Variants in PDE8A observed in about 807,000 individuals in gnomAD.
The protein encoded by PDE8A is high affinity cAMP-specific and IBMX-insensitive 3',5'-cyclic phosphodiesterase 8A.
PDE8A carries 59 observed loss-of-function variants against 105.0 expected under a neutral mutation model. The ratio of observed to expected loss-of-function variants is 0.56; its 90% CI spans 0.46 to 0.70. The LOEUF (loss-of-function observed/expected upper bound fraction) is 0.70, where lower values mean the gene tolerates loss of function less well. Among genes scored for constraint, PDE8A ranks in the 30% least tolerant of loss-of-function variants. The probability of loss-of-function intolerance (pLI) is 0.00; values close to 1 mark genes in which losing one functional copy is unlikely to be tolerated. For missense variants in PDE8A, 1,014 were observed against 1,045.9 expected (o/e 0.97, Z 0.42); for synonymous variants, 355 against 371.9 (o/e 0.95, Z 0.52).
chr15:85,128,674 A>G (rs1489063934), intron 20 of PDE8A, among the ~76,000 whole-genome samples: 1 of 152,262 alleles, frequency 6.6e-6, no homozygotes, highest in Non-Finnish European at 1.5e-5. Flanking sequence ...ATAAAGAACT[A>G]TAACTCAGTA....
intron 1 of PDE8A, among the ~76,000 whole-genome samples, chr15:85,011,298 T>A (rs988360147): frequency 6.6e-6 from 1 of 152,140 alleles, no homozygotes; most frequent in African/African-American, 2.4e-5. Context: ...GCTGGATGAT[T>A]TTTGTAGGGT....
Position 84,982,347 on chromosome 15 carries a change from A to G in PDE8A, c.185A>G (p.Lys62Arg). The G allele has an allele frequency of 3.0e-6, 4 of 1,324,606 alleles. No individual in the cohort carries two copies. Among genetic ancestry groups the G allele is most frequent in the Non-Finnish European group, 3.8e-6 (4 of 1,040,168 alleles). 82.1% of individuals were successfully genotyped at this position (1,324,606 alleles called of 1,614,324 possible). Residue 62 changes from lysine (K) to arginine (R), a missense_variant and splice_region_variant, in exon 1 of 22, where the codon AAG (lysine) becomes AGG (arginine). Coordinates refer to ENST00000394553, the MANE Select transcript of PDE8A (RefSeq NM_002605.3). ...GAGCTTCGCGACGGCAGCGGCAAGA[A>G]GGTAAGGGGCGCCGGGCACTCTGGG... The part of the protein sequence containing the change: ...ESELRDGSGK[K>R]VAVADVQFGP...
At chr15:85,066,831 G>A (rs893118488) in intron 2 of PDE8A, among the ~76,000 whole-genome samples, 183 bp from the exon 3 acceptor site, 6 of 151,808 alleles carry the variant, frequency 4.0e-5, no homozygotes, top group Admixed American at 3.3e-4. Flanking sequence ...CCAACTACTC[G>A]GCAGGGCTGA....
chr15:85,089,112 C>T (rs1383063799), intron 6 of PDE8A, among the ~76,000 whole-genome samples: 3 of 151,990 alleles, frequency 2.0e-5, no homozygotes, highest in Non-Finnish European at 4.4e-5. Flanking sequence ...GCTCACTGGC[C>T]CAATGTGTCT....
At chr15:85,072,045 G>A (rs893295048) in intron 3 of PDE8A, among the ~76,000 whole-genome samples, 8 of 152,218 alleles carry the variant, frequency 5.3e-5, no homozygotes, top group Admixed American at 1.3e-4. Flanking sequence ...AACCCAAAAC[G>A]CATTAACAGA....
intron 1 of PDE8A, among the ~76,000 whole-genome samples, chr15:85,005,056 A>G (rs756083316): frequency 9.9e-5 from 15 of 152,000 alleles, no homozygotes; most frequent in Non-Finnish European, 1.9e-4. Context: ...TATAGAATAC[A>G]TTTATCTTAC....
At position 85,116,206 on chromosome 15, in the gene PDE8A, A is replaced by C. The variant is rs2082095197; in HGVS notation, c.1535+87A>C. On this transcript the variant is annotated intron_variant, in intron 16 of 21. Coordinates refer to ENST00000394553, the MANE Select transcript of PDE8A (RefSeq NM_002605.3). ...TACCTGAGGAGTATGGATTGTGCAC[A>C]AGCCTGGTACCTGGTCAGGGTGGGG... 5 of 1,399,314 alleles carry C rather than the reference A, an allele frequency of 3.6e-6. No individual in the cohort carries two copies. In the Admixed American group the frequency reaches 5.7e-5, roughly 16 times the overall value. 86.7% of individuals were successfully genotyped at this position (1,399,314 alleles called of 1,614,324 possible).
At chr15:85,070,984 A>G (rs1352386006) in intron 3 of PDE8A, among the ~76,000 whole-genome samples, 1 of 152,094 alleles carries the variant, frequency 6.6e-6, no homozygotes, top group Non-Finnish European at 1.5e-5. Flanking sequence ...TCTCCTCCCA[A>G]CTTCCTATCA....
intron 1 of PDE8A, among the ~76,000 whole-genome samples, chr15:85,039,968 C>T (rs939840703): frequency 6.6e-6 from 1 of 152,078 alleles, no homozygotes; most frequent in Non-Finnish European, 1.5e-5. Context: ...AGAGGATACA[C>T]TGGTCAGAGG....
At chr15:85,076,533 T>C (rs574782908) in intron 4 of PDE8A, among the ~76,000 whole-genome samples, 200 bp from the exon 5 acceptor site, 6 of 152,130 alleles carry the variant, frequency 3.9e-5, no homozygotes, top group Non-Finnish European at 8.8e-5. Flanking sequence ...TCAAGTATTA[T>C]AATATATAAT....
At chr15:84,990,840 C>T (rs941442703) in intron 1 of PDE8A, among the ~76,000 whole-genome samples, 2 of 152,132 alleles carry the variant, frequency 1.3e-5, no homozygotes, top group Non-Finnish European at 2.9e-5. Flanking sequence ...ATATTACACT[C>T]ATGCCAACAA....
chr15:85,094,308 C>G (rs752222215), intron 8 of PDE8A, among the ~76,000 whole-genome samples: 5 of 152,146 alleles, frequency 3.3e-5, no homozygotes, highest in Non-Finnish European at 7.3e-5. Context: ...CATTTCAAAA[C>G]TTTTACCTTC....
chr15:85,112,595 C>T (rs544183157), intron 12 of PDE8A, among the ~76,000 whole-genome samples: 24 of 152,272 alleles, frequency 1.6e-4, no homozygotes, highest in Admixed American at 7.8e-4. Context: ...TAACTTTGGA[C>T]GGTGTCTCTC....
chr15:85,119,468 C>CAAAAAAAAAAAAAAA lies in PDE8A; in HGVS notation c.1735-1316_1735-1315insAAAAAAAAAAAAAAA, dbSNP rs546194907. Among the ~76,000 whole-genome samples the CAAAAAAAAAAAAAAA allele has an allele frequency of 1.5e-3, 90 of 58,510 alleles. 4 individuals are homozygous for CAAAAAAAAAAAAAAA. The highest frequency in any genetic ancestry group is 4.2e-3 in the African/African-American group (66 of 15,604). The allele number at this position is 58,510 out of a possible 152,430, so 38.4% of individuals were successfully genotyped here. A position where few individuals can be genotyped will look rare whatever the true frequency, so the allele number is the denominator to read the frequency against. ...GGGTGACAGAGCAAGACTCTCGTCT[C>CAAAAAAAAAAAAAAA]AAAAAAAAAAAAACATTTATTGAAA... is the stretch of plus-strand genomic sequence containing the variant. On this transcript the variant is annotated intron_variant, in intron 17 of 21. Transcript: ENST00000394553.
chr15:85,039,932 A>C (rs2080773555), intron 1 of PDE8A, among the ~76,000 whole-genome samples: 1 of 152,144 alleles, frequency 6.6e-6, no homozygotes, highest in Non-Finnish European at 1.5e-5. Context: ...CAGAGGCTGG[A>C]GGGTAGGGGA....
At chr15:85,082,130 G>T (rs1395017934) in intron 5 of PDE8A, among the ~76,000 whole-genome samples, 2 of 152,090 alleles carry the variant, frequency 1.3e-5, no homozygotes, top group Admixed American at 6.6e-5. Flanking sequence ...GTGTTTTTGG[G>T]TGTTCCCATG....
chr15:85,087,765 G>A (rs1016781934), intron 6 of PDE8A, among the ~76,000 whole-genome samples: 1 of 152,174 alleles, frequency 6.6e-6, no homozygotes, highest in African/African-American at 2.4e-5. Flanking sequence ...TTAATGTATA[G>A]TGTGCCAGTG....
intron 1 of PDE8A, among the ~76,000 whole-genome samples, chr15:84,987,237 A>T (rs1197019571): frequency 6.6e-6 from 1 of 152,138 alleles, no homozygotes; most frequent in Non-Finnish European, 1.5e-5. Flanking sequence ...TTTATAGCAT[A>T]TGTTTTTTAG....
chr15:85,009,006 T>C (rs577183940), intron 1 of PDE8A, among the ~76,000 whole-genome samples: 9 of 152,216 alleles, frequency 5.9e-5, no homozygotes, highest in African/African-American at 2.2e-4. Context: ...GGTACAAGTT[T>C]TGAGTCCTGT....
Sources: allele counts gnomAD v4.1 joint callset (sites outside exome capture counted in the v4.1 genomes callset), GRCh38; gene constraint gnomAD v4.1.1; transcripts MANE v1.5; gene names NCBI Gene and HGNC (gene_info 2026-07-23, HGNC 2026-07-21).